PMM1: variants seen among roughly 807,000 people sequenced by gnomAD.
The protein encoded by PMM1 is brain glucose-1,6-bisphosphatase.
A neutral mutation model predicts 34.0 loss-of-function variants in PMM1; 25 were observed. That is an observed-to-expected ratio of 0.73 (90% CI 0.54 to 1.03). PMM1 has a LOEUF of 1.03. Ranked by LOEUF, PMM1 falls within the 50% of genes least tolerant of loss-of-function variation. The probability of loss-of-function intolerance (pLI) is 0.00; values close to 1 mark genes in which losing one functional copy is unlikely to be tolerated. For synonymous variants in PMM1, 134 were observed against 143.9 expected, an observed-to-expected ratio of 0.93 and a Z score of 0.49; for missense variants, 321 against 350.1, an observed-to-expected ratio of 0.92 and a Z score of 0.66.
chr22:41,577,989 G>T, intron 6 of PMM1, 66 bp from the exon 7 acceptor site: 1 of 1,200,558 alleles, frequency 8.3e-7, no homozygotes, highest in Non-Finnish European at 1.2e-6. Context: ...CAGAAGGGCT[G>T]CTTGTTCATT....
chr22:41,578,472 G>A (rs1295435970), intron 6 of PMM1, among the ~76,000 whole-genome samples: 1 of 152,052 alleles, frequency 6.6e-6, no homozygotes, highest in Admixed American at 6.5e-5. Flanking sequence ...GGAAGTGTGA[G>A]CACCGGTGGG....
chr22:41,577,755 T>C, intron 7 of PMM1, 53 bp downstream of exon 7: 2 of 1,380,844 alleles, frequency 1.4e-6, no homozygotes, highest in African/African-American at 1.4e-5. Flanking sequence ...CCACCAGACC[T>C]GGCTTCTCAC....
At chr22:41,584,500 CCTGG>C in intron 3 of PMM1, 23 bp downstream of exon 3, 1 of 1,601,724 alleles carries the variant, frequency 6.2e-7, no homozygotes, top group Non-Finnish European at 8.6e-7. Context: ...GTGGGGTGCC[CCTGG>C]CTAAGCCCTG....
chr22:41,583,920 T>C (rs2067275401), intron 5 of PMM1, 39 bp downstream of exon 5: 1 of 1,218,612 alleles, frequency 8.2e-7, no homozygotes. Flanking sequence ...ATTGAGTGAC[T>C]GAGGCCCTAC....
rs1044482796 is a variant in PMM1 at position 41,577,093 on chromosome 22, G to C, written c.*225C>G. 3.6e-5 allele frequency: 21 copies of C among 590,638 alleles called. No homozygotes were observed. The highest frequency in any genetic ancestry group is 3.0e-6 in the Non-Finnish European group (1 of 332,074). The allele number at this position is 590,638 out of a possible 1,614,324, so 36.6% of individuals were successfully genotyped here. A position where few individuals can be genotyped will look rare whatever the true frequency, so the allele number is the denominator to read the frequency against. Reference sequence around the variant, plus strand: ...CAGCAGCTGTGGCCTGGGCCACCAGGTGGAGCATGGGGAACACTCTGGGCC... The same window carrying C: ...CAGCAGCTGTGGCCTGGGCCACCAGCTGGAGCATGGGGAACACTCTGGGCC... On this transcript the variant is annotated 3_prime_UTR_variant, in exon 8 of 8. Transcript: ENST00000216259.
chr22:41,582,878 G>A (rs1375711207), intron 5 of PMM1, among the ~76,000 whole-genome samples: 1 of 152,222 alleles, frequency 6.6e-6, no homozygotes, highest in African/African-American at 2.4e-5. Flanking sequence ...GCATGGAAAG[G>A]TCTGGATGGG....
At chr22:41,586,942 ACTC>A (rs1419312965) in intron 1 of PMM1, among the ~76,000 whole-genome samples, 1 of 143,252 alleles carries the variant, frequency 7.0e-6, no homozygotes, top group East Asian at 2.1e-4. Flanking sequence ...ACATGGTGAA[ACTC>A]TGTTTCTACT....
intron 5 of PMM1, among the ~76,000 whole-genome samples, chr22:41,583,577 T>C (rs1031745131): frequency 2.0e-5 from 3 of 151,416 alleles, no homozygotes; most frequent in Non-Finnish European, 4.4e-5. Flanking sequence ...GAGAGGAAAG[T>C]TGGGGCAGCC....
intron 7 of PMM1, 135 bp downstream of exon 7, chr22:41,577,673 G>C (rs866397975): frequency 5.2e-6 from 4 of 775,016 alleles, no homozygotes; most frequent in Non-Finnish European, 4.3e-6. Flanking sequence ...TTGTTCTCCA[G>C]GAGCCCCCTA....
At chr22:41,578,986 G>C in intron 5 of PMM1, 105 bp from the exon 6 acceptor site, 1 of 950,282 alleles carries the variant, frequency 1.1e-6, no homozygotes. Flanking sequence ...TAGGTGGGTA[G>C]GACCCCCAAC....
chr22:41,586,266 G>T, intron 1 of PMM1, 73 bp from the exon 2 acceptor site: 6 of 1,587,442 alleles, frequency 3.8e-6, no homozygotes, highest in Non-Finnish European at 5.1e-6. Context: ...CCCTCACTTA[G>T]TGCTGAGAAC....
rs201978477 is a variant in PMM1, at chr22:41,577,402, A to G, written c.705T>C (p.Thr235=). ...GAGGAGACACCACGCTGTGGCCAAC[A>G]GTCCGGGGGTCGGCAAAGATCTCAA... is the stretch of plus-strand genomic sequence containing the variant. ...NDFEIFADPR[T]VGHSVVSPQD... The change falls in exon 8 of 8, where the codon ACT becomes ACC. Residue 235 remains threonine (T), a synonymous_variant. Transcript: ENST00000216259. The G allele has an allele frequency of 3.3e-5, 53 of 1,612,616 alleles. No individual in the cohort carries two copies. The highest frequency in any genetic ancestry group is 8.3e-5 in the Admixed American group (5 of 59,994).
Position 41,577,439 on chromosome 22 carries a change from C to T in PMM1, c.668G>A (p.Gly223Asp). Residue 223 changes from glycine (G) to aspartate (D), a missense_variant and splice_region_variant, in exon 8 of 8, where the codon GGT becomes GAT. Physicochemically the swap from Gly to Asp is moderately conservative, Grantham distance 94. Coordinates refer to ENST00000216259, the MANE Select transcript of PMM1 (RefSeq NM_002676.3). ...IHFFGNETSP[G>D]GNDFEIFADP... ...GGCAAAGATCTCAAAGTCGTTCCCACCCTGCACACAGAGGATGGGCAGAGG... is the reference window on the plus strand; with the variant it reads ...GGCAAAGATCTCAAAGTCGTTCCCATCCTGCACACAGAGGATGGGCAGAGG... 1 of 1,610,572 alleles carries T rather than the reference C, an allele frequency of 6.2e-7. No homozygotes were observed. The highest frequency in any genetic ancestry group is 8.5e-7 in the Non-Finnish European group (1 of 1,179,622).
chr22:41,588,197 CACG>C (rs2067333676), intron 1 of PMM1, among the ~76,000 whole-genome samples: 2 of 152,226 alleles, frequency 1.3e-5, no homozygotes, highest in South Asian at 4.2e-4. Context: ...ACTACAGGCA[CACG>C]ACACCACGCC....
chr22:41,581,709 G>C (rs996419907), intron 5 of PMM1, among the ~76,000 whole-genome samples: 23 of 151,994 alleles, frequency 1.5e-4, no homozygotes, highest in African/African-American at 5.6e-4. Flanking sequence ...AAAATATTAG[G>C]CCGGGCACAG....
intron 5 of PMM1, 61 bp from the exon 6 acceptor site, chr22:41,578,942 G>T: frequency 7.0e-7 from 1 of 1,430,764 alleles, no homozygotes. Context: ...GGCCCTGGCT[G>T]GGCACACAGT....
intron 6 of PMM1, among the ~76,000 whole-genome samples, chr22:41,578,365 GC>G (rs1428679597): frequency 6.6e-6 from 1 of 152,174 alleles, no homozygotes; most frequent in African/African-American, 2.4e-5. Context: ...CATGACTCCA[GC>G]TCCAGCCTCT....
chr22:41,585,974 T>G, intron 2 of PMM1, 102 bp downstream of exon 2: 2 of 842,406 alleles, frequency 2.4e-6, no homozygotes, highest in Non-Finnish European at 3.8e-6. Context: ...CTGGCTGCTC[T>G]CTCTCTATTT....
At position 41,589,651 on chromosome 22, in the gene PMM1, C is replaced by T. The variant is rs894325147; in HGVS notation, c.87+68G>A. On this transcript the variant is annotated intron_variant, in intron 1 of 7. Transcript: ENST00000216259. ...TGTCCACGGTCACGCTGCTGCAGAC[C>T]CCACACTCAGCCTCGGGGGTGTCCG... 1.0e-4 allele frequency: 140 copies of T among 1,352,434 alleles called. No homozygotes were observed. In the Admixed American group the frequency reaches 2.6e-3, roughly 25 times the overall value. 83.8% of individuals were successfully genotyped at this position (1,352,434 alleles called of 1,614,324 possible). A position where few individuals can be genotyped will look rare whatever the true frequency, so the allele number is the denominator to read the frequency against.
Sources: allele counts gnomAD v4.1 joint callset (sites outside exome capture counted in the v4.1 genomes callset), GRCh38; gene constraint gnomAD v4.1.1; transcripts MANE v1.5; gene names NCBI Gene and HGNC (gene_info 2026-07-23, HGNC 2026-07-21).